The following AGAP1 variants were observed in gnomAD, a reference collection of about 807,000 sequenced individuals.
The protein encoded by AGAP1 is arf-GAP with GTPase, ANK repeat and PH domain-containing protein 1.
AGAP1 carries 29 observed loss-of-function variants against 105.3 expected under a neutral mutation model. The observed-to-expected ratio is 0.28, with a 90% CI of 0.21 to 0.38. The LOEUF (loss-of-function observed/expected upper bound fraction) is 0.38. Ranked by LOEUF, AGAP1 falls within the 10% of genes least tolerant of loss-of-function variation. AGAP1 has a pLI of 1.00. For synonymous variants in AGAP1, 509 were observed against 485.9 expected (o/e 1.05, Z -0.63); for missense variants, 998 against 1,165.1 (o/e 0.86, Z 2.09).
intron 9 of AGAP1, among the ~76,000 whole-genome samples, chr2:235,836,986 G>C (rs369946222): frequency 5.9e-5 from 9 of 152,072 alleles, no homozygotes; most frequent in Admixed American, 2.6e-4. Context: ...GGGTTGGGGG[G>C]GTTGTGGGAG....
At chr2:235,658,740 G>A (rs1237831106) in intron 1 of AGAP1, among the ~76,000 whole-genome samples, 1 of 152,178 alleles carries the variant, frequency 6.6e-6, no homozygotes, top group Non-Finnish European at 1.5e-5. Flanking sequence ...GTGAGGGTGG[G>A]ATTTGGGAGA....
At chr2:235,935,440 T>A (rs942066983) in intron 12 of AGAP1, among the ~76,000 whole-genome samples, 4 of 152,242 alleles carry the variant, frequency 2.6e-5, no homozygotes, top group African/African-American at 7.2e-5. Flanking sequence ...CTTCTAAGTG[T>A]TTGACAGAAG....
chr2:235,598,805 C>G (rs1160298000), intron 1 of AGAP1, among the ~76,000 whole-genome samples: 3 of 152,010 alleles, frequency 2.0e-5, no homozygotes, highest in Non-Finnish European at 4.4e-5. Flanking sequence ...CTACCTCAGC[C>G]AGACTCCTGG....
Position 236,027,428 on chromosome 2 carries a change from T to C in AGAP1, c.1646-9133T>C, listed in dbSNP as rs1054287092. Among the ~76,000 whole-genome samples the C allele has an allele frequency of 6.6e-6, 1 of 152,066 alleles. No individual in the cohort carries two copies. Among genetic ancestry groups the C allele is most frequent in the Non-Finnish European group, 1.5e-5 (1 of 68,028 alleles). ...GACCCTTGTCGTAAATTTCAGGGCCTGAAAATCCAAAAGAAGACACAGGGT... is the reference window on the plus strand; with the variant it reads ...GACCCTTGTCGTAAATTTCAGGGCCCGAAAATCCAAAAGAAGACACAGGGT... On this transcript the variant is annotated intron_variant, in intron 13 of 17. Coordinates refer to ENST00000304032, the MANE Select transcript of AGAP1 (RefSeq NM_001037131.3). This position sits in a 1 kb window ranked among gnomAD's most constrained non-coding sequence, Gnocchi z 4.4.
chr2:235,934,307 A>G lies in AGAP1; in HGVS notation c.1483+3384A>G, dbSNP rs2052879286. On this transcript the variant is annotated intron_variant, in intron 12 of 17. Coordinates refer to ENST00000304032, the MANE Select transcript of AGAP1 (RefSeq NM_001037131.3). The surrounding 1 kb of genome is among the most constrained non-coding windows in gnomAD (Gnocchi z 4.9). ...TTCCCAAAGCCTGGTCCACGGACCA[A>G]GTGGCATTTGACAGCTCCGGGGATT... is the stretch of plus-strand genomic sequence containing the variant. Among the ~76,000 whole-genome samples the G allele has an allele frequency of 6.6e-6, 1 of 152,236 alleles. No individual in the cohort carries two copies.
chr2:235,748,412 T>C (rs551233058), intron 5 of AGAP1, among the ~76,000 whole-genome samples: 39 of 152,170 alleles, frequency 2.6e-4, no homozygotes, highest in Non-Finnish European at 3.5e-4. Flanking sequence ...TAAAAAGAAA[T>C]GTTTATACTT....
At chr2:235,527,553 A>G (rs1942886534) in intron 1 of AGAP1, among the ~76,000 whole-genome samples, 1 of 151,450 alleles carries the variant, frequency 6.6e-6, no homozygotes, top group Non-Finnish European at 1.5e-5. Flanking sequence ...ATTTTATTTT[A>G]TTTTTTGCGT....
rs567927356 is a variant in AGAP1 at position 236,027,385 on chromosome 2, G to A, written c.1646-9176G>A. 2.0e-5 allele frequency among the ~76,000 whole-genome samples: 3 copies of A among 152,258 alleles called. No homozygotes were observed. In the East Asian group the frequency reaches 5.8e-4, roughly 29 times the overall value. On this transcript the variant is annotated intron_variant, in intron 13 of 17. Coordinates refer to ENST00000304032, the MANE Select transcript of AGAP1 (RefSeq NM_001037131.3). This position sits in a 1 kb window ranked among gnomAD's most constrained non-coding sequence, Gnocchi z 4.4. ...TCAGATGTTAATCCTTCCTCAGGAA[G>A]CAAGGTCCAGCTGCTCGGACCCTTG...
At position 235,549,076 on chromosome 2, in the gene AGAP1, T is replaced by C. The variant is rs139696045; in HGVS notation, c.163+54227T>C. On this transcript the variant is annotated intron_variant, in intron 1 of 17. Coordinates refer to ENST00000304032, the MANE Select transcript of AGAP1 (RefSeq NM_001037131.3). The surrounding 1 kb of genome is among the most constrained non-coding windows in gnomAD (Gnocchi z 4.2). The stretch of plus-strand genomic sequence containing the variant: ...CAGAAACTGGGACCTGCTCTCCTTG[T>C]AGAGACACAACCCCAGGGTACTTGG... Among the ~76,000 whole-genome samples, 354 of 152,322 alleles carry C rather than the reference T, an allele frequency of 2.3e-3. 4 individuals carry two copies. The highest frequency in any genetic ancestry group is 0.018 in the Admixed American group (277 of 15,310).
intron 9 of AGAP1, among the ~76,000 whole-genome samples, chr2:235,860,223 A>G (rs1375954453): frequency 2.6e-5 from 4 of 152,264 alleles, no homozygotes; most frequent in Non-Finnish European, 4.4e-5. Context: ...AATAAAAAAT[A>G]TAACTTTATC....
intron 1 of AGAP1, among the ~76,000 whole-genome samples, chr2:235,525,806 A>G (rs1392286409): frequency 2.9e-5 from 2 of 69,676 alleles, no homozygotes; most frequent in Non-Finnish European, 2.8e-5. Flanking sequence ...TTTATAAAGT[A>G]GAGGACTGAC....
intron 3 of AGAP1, among the ~76,000 whole-genome samples, chr2:235,735,930 C>T (rs952185352): frequency 3.3e-5 from 5 of 151,980 alleles, no homozygotes; most frequent in Admixed American, 3.3e-4. Context: ...TGAGAGCACT[C>T]CATTCTGCTT....
chr2:235,921,316 T>A (rs2052172103), intron 11 of AGAP1, among the ~76,000 whole-genome samples: 1 of 152,194 alleles, frequency 6.6e-6, no homozygotes, highest in Non-Finnish European at 1.5e-5. Flanking sequence ...ATTAAAGAAG[T>A]GTATAAAGTT....
Position 235,920,111 on chromosome 2 carries a change from A to G in AGAP1, c.1325-10654A>G, listed in dbSNP as rs527822500. ...TCTGCTTGGCCACGTTGATGTATTT[A>G]GTAGTCGTTAAATTTGTCATTGCAA... is the stretch of plus-strand genomic sequence containing the variant. On this transcript the variant is annotated intron_variant, in intron 11 of 17. Transcript: ENST00000304032. 3.3e-5 allele frequency among the ~76,000 whole-genome samples: 5 copies of G among 152,292 alleles called. 1 individual carries two copies. In the South Asian group the frequency reaches 1.0e-3, roughly 32 times the overall value.
chr2:235,702,891 T>C (rs958965336), intron 1 of AGAP1, among the ~76,000 whole-genome samples: 1 of 150,046 alleles, frequency 6.7e-6, no homozygotes, highest in African/African-American at 2.4e-5. Context: ...TAGTTTGTTT[T>C]ACTCCATGTG....
chr2:235,498,498 G>A (rs757863637), intron 1 of AGAP1, among the ~76,000 whole-genome samples: 6 of 152,222 alleles, frequency 3.9e-5, no homozygotes, highest in Admixed American at 6.5e-5. Flanking sequence ...CTCGCCTCCA[G>A]TCTGAACAGC....
At chr2:235,814,551 G>A (rs1353378635) in intron 9 of AGAP1, among the ~76,000 whole-genome samples, 2 of 152,200 alleles carry the variant, frequency 1.3e-5, no homozygotes, top group Non-Finnish European at 2.9e-5. Context: ...TGCTACGGCT[G>A]GAGGAGGCAG....
rs533606262 is a variant in AGAP1, at chr2:235,976,475, G to T, written c.1645+7852G>T. 4.6e-5 allele frequency among the ~76,000 whole-genome samples: 7 copies of T among 152,184 alleles called. No individual in the cohort carries two copies. Among genetic ancestry groups the T allele is most frequent in the Non-Finnish European group, 1.0e-4 (7 of 68,040 alleles). ...CGATCACAGCAGGGGCAGCCAGAAC[G>T]GAAGATTCCCATCGTGATGAACCGA... On this transcript the variant is annotated intron_variant, in intron 13 of 17. Transcript: ENST00000304032. The surrounding 1 kb of genome is among the most constrained non-coding windows in gnomAD (Gnocchi z 4.5).
rs1284192312 is a variant in AGAP1, at chr2:235,594,896, T to G, written c.163+100047T>G. Reference sequence around the variant, plus strand: ...GCCCAGATTGCTGTTTTTTTTTTTTTTTTTTTTTTTATGATGTAAAAGTAT... The same window carrying G: ...GCCCAGATTGCTGTTTTTTTTTTTTGTTTTTTTTTTATGATGTAAAAGTAT... On this transcript the variant is annotated intron_variant, in intron 1 of 17. Coordinates refer to ENST00000304032, the MANE Select transcript of AGAP1 (RefSeq NM_001037131.3). Among the ~76,000 whole-genome samples, 4 of 151,048 alleles carry G rather than the reference T, an allele frequency of 2.6e-5. No individual in the cohort carries two copies. The South Asian group carries it at 6.3e-4, about 24-fold the overall frequency.
Sources: allele counts gnomAD v4.1 joint callset (sites outside exome capture counted in the v4.1 genomes callset), GRCh38; gene constraint gnomAD v4.1.1; non-coding constraint Gnocchi (gnomAD v3.1); transcripts MANE v1.5; gene names NCBI Gene and HGNC (gene_info 2026-07-23, HGNC 2026-07-21).